Variants in TNNI3K observed in about 807,000 individuals in gnomAD.
The protein encoded by TNNI3K is serine/threonine-protein kinase TNNI3K.
In TNNI3K, 140 loss-of-function variants were observed where a neutral mutation model predicts 114.5. The observed-to-expected ratio is 1.22, with a 90% confidence interval of 1.07 to 1.41. The LOEUF (loss-of-function observed/expected upper bound fraction) is 1.41, where lower values mean the gene tolerates loss of function less well. Among genes scored for constraint, TNNI3K ranks in the 40% most tolerant of loss-of-function variants. TNNI3K has a pLI of 0.00. For missense variants in TNNI3K, 1,125 were observed against 1,007.6 expected (o/e 1.12, Z -1.58); for synonymous variants, 347 against 347.5 (o/e 1.00, Z 0.02).
At chr1:74,490,076 A>C (rs867625366) in intron 22 of TNNI3K, among the ~76,000 whole-genome samples, 13 of 148,342 alleles carry the variant, frequency 8.8e-5, no homozygotes, top group Non-Finnish European at 1.8e-4. Flanking sequence ...AAAAAAAAAA[A>C]CTCAACTAAG....
chr1:74,292,216 A>G (rs1221804495), intron 5 of TNNI3K, among the ~76,000 whole-genome samples: 2 of 151,250 alleles, frequency 1.3e-5, no homozygotes, highest in African/African-American at 4.8e-5. Flanking sequence ...CTCTAGTATT[A>G]TATGTTTGTC....
At chr1:74,402,071 T>G (rs1664391502) in intron 17 of TNNI3K, 1 of 197,562 alleles carries the variant, frequency 5.1e-6, no homozygotes, top group Non-Finnish European at 1.0e-5. Context: ...TTTAGTTTAT[T>G]TCTTCATTTT....
At chr1:74,448,470 A>C (rs930418454) in intron 20 of TNNI3K, among the ~76,000 whole-genome samples, 1 of 144,996 alleles carries the variant, frequency 6.9e-6, no homozygotes, top group Non-Finnish European at 1.5e-5. Context: ...CTCCTGCCTA[A>C]TTGCCCTGGC....
chr1:74,279,979 T>C (rs571665411), intron 5 of TNNI3K, among the ~76,000 whole-genome samples: 4 of 152,284 alleles, frequency 2.6e-5, no homozygotes, highest in Admixed American at 1.3e-4. Flanking sequence ...AATCGTCCCC[T>C]TAACGCCCCA....
rs540862693 is a variant in TNNI3K at position 74,241,397 on chromosome 1, T to C, written c.149+5187T>C. Among the ~76,000 whole-genome samples the C allele has an allele frequency of 5.6e-3, 848 of 152,306 alleles. 4 individuals carry two copies. Among genetic ancestry groups the C allele is most frequent in the Non-Finnish European group, 8.7e-3 (590 of 68,014 alleles). On this transcript the variant is annotated intron_variant, in intron 2 of 24. Transcript: ENST00000326637. ...TTGAACTAGTTTACAGTCCCACCAA[T>C]GGTGTAAAAGTGTTCCTATTTCTTC... is the stretch of plus-strand genomic sequence containing the variant.
Position 74,298,414 on chromosome 1 carries a change from C to T in TNNI3K, c.444+26706C>T, listed in dbSNP as rs1353264982. ...TAAGCATTTTAAAATAAAGAATTGT[C>T]ATTTGTGTATGTCCGATTTAAGTAT... On this transcript the variant is annotated intron_variant, in intron 5 of 24. Transcript: ENST00000326637. Among the ~76,000 whole-genome samples, 6 of 152,078 alleles carry T rather than the reference C, an allele frequency of 3.9e-5. No homozygotes were observed. In the East Asian group the frequency reaches 1.2e-3, roughly 29 times the overall value.
Position 74,463,473 on chromosome 1 carries a change from A to G in TNNI3K, c.2044A>G (p.Ile682Val). 1 of 1,614,214 alleles carries G rather than the reference A, an allele frequency of 6.2e-7. No homozygotes were observed. The highest frequency in any genetic ancestry group is 8.5e-7 in the Non-Finnish European group (1 of 1,180,036). The change falls in exon 21 of 25, where the codon ATC (isoleucine) becomes GTC (valine). Residue 682 changes from isoleucine (I) to valine (V), a missense_variant. Physicochemically the swap from Ile to Val is conservative, Grantham distance 29 (BLOSUM62 3). Transcript: ENST00000326637. Reference sequence around the variant, plus strand: ...GGCAGCAGACATGGCTTACCACCACATCAGACCTCCCATTGGCTATTCCAT... The same window carrying G: ...GGCAGCAGACATGGCTTACCACCACGTCAGACCTCCCATTGGCTATTCCAT... ...AAAADMAYHH[I>V]RPPIGYSIPK... is the part of the protein sequence containing the mutation.
At chr1:74,456,782 A>AT (rs988472244) in intron 20 of TNNI3K, among the ~76,000 whole-genome samples, 31 of 152,050 alleles carry the variant, frequency 2.0e-4, no homozygotes, top group African/African-American at 7.2e-4. Context: ...ACATCTGCCA[A>AT]TTTTTTCTAG....
At chr1:74,240,917 T>G (rs1472206817) in intron 2 of TNNI3K, 4 of 152,106 alleles carry the variant, frequency 2.6e-5, no homozygotes, top group Non-Finnish European at 5.9e-5. Flanking sequence ...TATCTCCTAA[T>G]GCTATCCCTC....
rs536619507 is a variant in TNNI3K at position 74,249,741 on chromosome 1, A to T, written c.235+197A>T. 5.4e-4 allele frequency among the ~76,000 whole-genome samples: 82 copies of T among 152,312 alleles called. 1 individual carries two copies. The highest frequency in any genetic ancestry group is 1.6e-3 in the Admixed American group (25 of 15,296). On this transcript the variant is annotated intron_variant, in intron 3 of 24. Transcript: ENST00000326637. The stretch of plus-strand genomic sequence containing the variant: ...TTCCAATTGATTTAGCTTTAAATAT[A>T]AGCTTCATTGTGTTGCTACCGGAAA...
chr1:74,479,568 C>A (rs1668376068), intron 21 of TNNI3K, among the ~76,000 whole-genome samples: 1 of 152,100 alleles, frequency 6.6e-6, no homozygotes, highest in South Asian at 2.1e-4. Flanking sequence ...GGATTCAAAC[C>A]TAGGTAATCC....
rs1656352565 is a variant in TNNI3K at position 74,271,595 on chromosome 1, C to T, written c.334-3C>T. On this transcript the variant is annotated splice_region_variant and splice_polypyrimidine_tract_variant and intron_variant, in intron 4 of 24. Coordinates refer to ENST00000326637, the MANE Select transcript of TNNI3K (RefSeq NM_015978.3). ...GTAACACTAAAGATATGTTTCCTTA[C>T]AGGATAATGCAGAATTGATCACTTC... The T allele has an allele frequency of 6.3e-7, 1 of 1,590,730 alleles. No homozygotes were observed. Among genetic ancestry groups the T allele is most frequent in the Non-Finnish European group, 8.6e-7 (1 of 1,167,542 alleles).
At position 74,489,263 on chromosome 1, in the gene TNNI3K, T is replaced by C. The variant is rs1199616012; in HGVS notation, c.2181+15T>C. 1 of 1,604,532 alleles carries C rather than the reference T, an allele frequency of 6.2e-7. No individual in the cohort carries two copies. Among genetic ancestry groups the C allele is most frequent in the South Asian group, 1.1e-5 (1 of 88,570 alleles). ...GCAACATTGAGGTAAAAGCTTTAGC[T>C]TCTGAAATATGTCCATAAAAAAGCC... On this transcript the variant is annotated intron_variant, in intron 22 of 24. Coordinates refer to ENST00000326637, the MANE Select transcript of TNNI3K (RefSeq NM_015978.3).
chr1:74,397,912 A>T (rs1464172190), intron 17 of TNNI3K, among the ~76,000 whole-genome samples: 1 of 152,266 alleles, frequency 6.6e-6, no homozygotes, highest in East Asian at 1.9e-4. Flanking sequence ...GGCGCTATAT[A>T]TAGTGATTCC....
At chr1:74,383,085 T>TC (rs45570233) in intron 17 of TNNI3K, among the ~76,000 whole-genome samples, 1 of 151,862 alleles carries the variant, frequency 6.6e-6, no homozygotes, top group Non-Finnish European at 1.5e-5. Flanking sequence ...TTTTTTTTTT[T>TC]CTTTTCATAC....
intron 7 of TNNI3K, among the ~76,000 whole-genome samples, chr1:74,342,497 A>G (rs1660795829): frequency 6.6e-6 from 1 of 152,126 alleles, no homozygotes; most frequent in African/African-American, 2.4e-5. Flanking sequence ...ATTCAGATAG[A>G]AAAACAATCA....
At chr1:74,238,736 A>G (rs1249066642) in intron 2 of TNNI3K, among the ~76,000 whole-genome samples, 1 of 152,032 alleles carries the variant, frequency 6.6e-6, no homozygotes, top group Non-Finnish European at 1.5e-5. Flanking sequence ...TTTTGGAGAG[A>G]AAGACCAATA....
intron 21 of TNNI3K, among the ~76,000 whole-genome samples, chr1:74,484,076 G>T (rs1487022662): frequency 6.6e-6 from 1 of 151,482 alleles, no homozygotes. Context: ...AGTTAAATGG[G>T]TACTCTAAGT....
intron 4 of TNNI3K, among the ~76,000 whole-genome samples, chr1:74,268,606 A>G (rs995301876): frequency 1.3e-5 from 2 of 151,812 alleles, no homozygotes; most frequent in African/African-American, 2.4e-5. Context: ...GGAAGGTACT[A>G]TAGGTATTAT....
Sources: gnomAD v4.1 joint callset for allele counts (sites outside exome capture counted in the v4.1 genomes callset) on GRCh38, gnomAD v4.1.1 for gene constraint, MANE v1.5 for transcripts, NCBI Gene and HGNC (gene_info 2026-07-23, HGNC 2026-07-21) for gene names.